The following ADAMTS12 variants were observed in gnomAD, a reference collection of about 807,000 sequenced individuals.
ADAMTS12 encodes the protein ADAM metallopeptidase with thrombospondin type 1 motif 12, also known as A disintegrin and metalloproteinase with thrombospondin motifs 12.
ADAMTS12 carries 118 observed loss-of-function variants against 167.8 expected under a neutral mutation model. The observed-to-expected ratio is 0.70, with a 90% CI of 0.61 to 0.82. The LOEUF (loss-of-function observed/expected upper bound fraction) is 0.82. Ranked by LOEUF, ADAMTS12 falls within the 40% of genes least tolerant of loss-of-function variation. ADAMTS12 has a pLI of 0.00. For synonymous variants in ADAMTS12, 704 were observed against 716.9 expected, an observed-to-expected ratio of 0.98 and a Z score of 0.29; for missense variants, 1,916 against 1,998.8, an observed-to-expected ratio of 0.96 and a Z score of 0.79.
chr5:33,699,988 A>G (rs1354000228), intron 3 of ADAMTS12, among the ~76,000 whole-genome samples: 5 of 152,218 alleles, frequency 3.3e-5, no homozygotes, highest in Non-Finnish European at 2.9e-5. Context: ...TTAAAGCCAC[A>G]ATGAGATATT....
intron 18 of ADAMTS12, among the ~76,000 whole-genome samples, chr5:33,578,449 C>G (rs1013505321): frequency 6.6e-6 from 1 of 152,134 alleles, no homozygotes; most frequent in Non-Finnish European, 1.5e-5. Flanking sequence ...AAGTAGCTGT[C>G]CATGGAGTTC....
chr5:33,573,577 C>G (rs1326100673), intron 19 of ADAMTS12, among the ~76,000 whole-genome samples: 1 of 152,172 alleles, frequency 6.6e-6, no homozygotes, highest in Non-Finnish European at 1.5e-5. Context: ...CTTCCTTACA[C>G]CTTATACAAA....
chr5:33,881,074 C>T, intron 2 of ADAMTS12, 45 bp downstream of exon 2: 1 of 1,590,232 alleles, frequency 6.3e-7, no homozygotes, highest in South Asian at 1.1e-5. Context: ...AGCTGAGACT[C>T]TAGGGGCCAG....
chr5:33,683,346 C>T (rs1742200468), intron 4 of ADAMTS12, among the ~76,000 whole-genome samples: 1 of 152,096 alleles, frequency 6.6e-6, no homozygotes, highest in Non-Finnish European at 1.5e-5. Flanking sequence ...TTTTCTTAAC[C>T]CAGCCCACAG....
At chr5:33,768,093 C>T (rs1218429363) in intron 2 of ADAMTS12, among the ~76,000 whole-genome samples, 3 of 152,100 alleles carry the variant, frequency 2.0e-5, no homozygotes, top group Non-Finnish European at 4.4e-5. Flanking sequence ...ACCATTCAGG[C>T]CGAAGTTAGT....
intron 3 of ADAMTS12, among the ~76,000 whole-genome samples, chr5:33,737,292 C>T (rs73761509): frequency 0.016 from 2,472 of 152,270 alleles, 76 homozygotes; most frequent in African/African-American, 0.057. Flanking sequence ...TTAGGCATTC[C>T]CCTTCCCTAA....
chr5:33,618,559 A>G (rs902424768), intron 14 of ADAMTS12, among the ~76,000 whole-genome samples: 1 of 152,160 alleles, frequency 6.6e-6, no homozygotes, highest in Non-Finnish European at 1.5e-5. Flanking sequence ...TCCAATGTCT[A>G]TTTGTTTTCT....
intron 20 of ADAMTS12, among the ~76,000 whole-genome samples, chr5:33,557,204 T>A (rs1745524499): frequency 6.6e-6 from 1 of 152,200 alleles, no homozygotes; most frequent in Admixed American, 6.5e-5. Context: ...CCTGTCATCC[T>A]ATGAGAATTA....
intron 12 of ADAMTS12, among the ~76,000 whole-genome samples, chr5:33,634,964 C>T (rs549744640): frequency 1.3e-5 from 2 of 152,074 alleles, no homozygotes; most frequent in East Asian, 3.9e-4. Context: ...TGTGATGAAG[C>T]GATCCTCCCG....
intron 14 of ADAMTS12, 33 bp downstream of exon 14, chr5:33,624,198 C>T (rs1360963250): frequency 1.2e-6 from 2 of 1,612,876 alleles, no homozygotes; most frequent in Non-Finnish European, 1.7e-6. Flanking sequence ...ACCTTTGGTC[C>T]CCTGCCACTT....
At chr5:33,768,742 T>C (rs1232927482) in intron 2 of ADAMTS12, among the ~76,000 whole-genome samples, 3 of 152,254 alleles carry the variant, frequency 2.0e-5, no homozygotes, top group African/African-American at 7.2e-5. Context: ...ATTACCATGT[T>C]CAGGAACATG....
chr5:33,625,662 T>C (rs1013426938), intron 13 of ADAMTS12, among the ~76,000 whole-genome samples: 1 of 152,196 alleles, frequency 6.6e-6, no homozygotes, highest in East Asian at 1.9e-4. Flanking sequence ...TGGGTAGTTT[T>C]ATATTTCTAA....
intron 17 of ADAMTS12, among the ~76,000 whole-genome samples, chr5:33,594,898 T>G (rs111470808): frequency 6.6e-6 from 1 of 152,210 alleles, no homozygotes; most frequent in African/African-American, 2.4e-5. Flanking sequence ...ATTTATCACA[T>G]TCTAGCTCTT....
intron 5 of ADAMTS12, 131 bp downstream of exon 5, chr5:33,682,887 T>C (rs1414567937): frequency 3.0e-6 from 2 of 665,532 alleles, no homozygotes; most frequent in East Asian, 5.6e-5. Flanking sequence ...ACAGAAATAA[T>C]ATTTTCCTTC....
chr5:33,576,546 C>G lies in ADAMTS12; in HGVS notation c.3480G>C (p.Gly1160=). 6.2e-7 allele frequency: 1 copy of G among 1,613,824 alleles called. No homozygotes were observed. The highest frequency in any genetic ancestry group is 8.5e-7 in the Non-Finnish European group (1 of 1,179,856). ...TGTCCTCAGGCTGTTCTCTTTCTTC[C>G]CCTGAGCCACTGTGAATCTCCATTT... ...GPEMEIHSGS[G]EEREQPEDKD... The change falls in exon 19 of 24, where the codon GGG becomes GGC. Residue 1160 remains glycine (G), a synonymous_variant. Transcript: ENST00000504830.
intron 9 of ADAMTS12, 112 bp downstream of exon 9, chr5:33,648,710 G>T: frequency 1.5e-6 from 2 of 1,323,774 alleles, no homozygotes; most frequent in South Asian, 1.4e-5. Context: ...TAAATATAAA[G>T]CTTCTATTTC....
rs748002843 is a variant in ADAMTS12, at chr5:33,891,719, G to A, written c.127+11C>T. ...CACTGTTTTAAAAAGAAATAAAGAAGAGTCACTAACCTTGCCTCCTGTCCG... is the reference window on the plus strand; with the variant it reads ...CACTGTTTTAAAAAGAAATAAAGAAAAGTCACTAACCTTGCCTCCTGTCCG... On this transcript the variant is annotated intron_variant, in intron 1 of 23. Transcript: ENST00000504830. The A allele has an allele frequency of 1.2e-6, 2 of 1,613,538 alleles. No homozygotes were observed. Among genetic ancestry groups the A allele is most frequent in the Admixed American group, 3.3e-5 (2 of 59,848 alleles).
intron 3 of ADAMTS12, among the ~76,000 whole-genome samples, chr5:33,730,289 G>GGTGTGT (rs762232547): frequency 0.1 from 14,385 of 144,100 alleles, 796 homozygotes; most frequent in Non-Finnish European, 0.11. Flanking sequence ...AGTCCATTAG[G>GGTGTGT]GTGTGTGTGT....
intron 22 of ADAMTS12, among the ~76,000 whole-genome samples, chr5:33,536,100 T>C (rs986877713): frequency 4.6e-5 from 7 of 152,242 alleles, no homozygotes; most frequent in African/African-American, 1.7e-4. Flanking sequence ...TCTTAAATTA[T>C]TTTTTGAGGT....
Sources: allele counts gnomAD v4.1 joint callset (sites outside exome capture counted in the v4.1 genomes callset), GRCh38; gene constraint gnomAD v4.1.1; transcripts MANE v1.5; gene names NCBI Gene and HGNC (gene_info 2026-07-23, HGNC 2026-07-21).